ESCO2: variants seen among roughly 807,000 people sequenced by gnomAD.
The protein encoded by ESCO2 is N-acetyltransferase ESCO2.
A neutral mutation model predicts 61.7 loss-of-function variants in ESCO2; 51 were observed. The ratio of observed to expected loss-of-function variants is 0.83; its 90% CI spans 0.66 to 1.04. The LOEUF is 1.04. Ranked by LOEUF, ESCO2 falls within the 50% of genes least tolerant of loss-of-function variation. ESCO2 has a pLI of 0.00. For missense variants in ESCO2, 692 were observed against 686.2 expected (o/e 1.01, Z -0.09); for synonymous variants, 230 against 238.2 (o/e 0.97, Z 0.32).
At chr8:27,813,910 TTTTTC>T (rs1805756073), downstream of ESCO2, among the ~76,000 whole-genome samples, 1 of 150,354 alleles carries the variant, frequency 6.7e-6, no homozygotes, top group Non-Finnish European at 1.5e-5. Flanking sequence ...CTATGATTTT[TTTTTC>T]TTATCAGTTT....
Position 27,791,968 on chromosome 8 carries a change from G to A in ESCO2, c.1269G>A (p.Trp423Ter), listed in dbSNP as rs80359864. The A allele has an allele frequency of 1.2e-6, 2 of 1,613,988 alleles. No homozygotes were observed. The highest frequency in any genetic ancestry group is 8.5e-7 in the Non-Finnish European group (1 of 1,179,978). Residue 423 changes from tryptophan to a stop codon, truncating the protein, a stop_gained, in exon 8 of 11, where the codon TGG becomes TGA. Coordinates refer to ENST00000305188, the MANE Select transcript of ESCO2 (RefSeq NM_001017420.3). LOFTEE classifies it high-confidence loss of function. ...CTTTTGTTTTCCTTTGGCAGGGTTG[G>A]AAGAAAGAACGTGTAGTAGCAGAGT... Reference protein sequence around the residue: ...RFLEGIKYVGWKKERVVAEFW... With the variant: ...RFLEGIKYVG
In ESCO2 at chr8:27,792,650, G is replaced by A. The variant is rs80359865; in HGVS notation, c.1354-18G>A. On this transcript the variant is annotated intron_variant, in intron 8 of 10. Transcript: ENST00000305188. ...ACTTTTTAAAACATTCACCTGTCTT[G>A]GTTTTTAAAATCATTAGGTAGAAGA... 7.5e-6 allele frequency: 12 copies of A among 1,610,102 alleles called. No individual in the cohort carries two copies. Among genetic ancestry groups the A allele is most frequent in the Non-Finnish European group, 8.5e-7 (1 of 1,178,640 alleles).
Position 27,776,970 on chromosome 8 carries a change from A to T in ESCO2, c.662A>T (p.Lys221Ile), listed in dbSNP as rs199665460. 3.2e-5 allele frequency: 52 copies of T among 1,613,186 alleles called. No individual in the cohort carries two copies. In the East Asian group the frequency reaches 9.8e-4, roughly 30 times the overall value. Residue 221 changes from lysine (K) to isoleucine (I), a missense_variant, in exon 3 of 11, where the codon AAA (lysine) becomes ATA (isoleucine). By Grantham distance (102) the Lys-to-Ile change is moderately radical. Transcript: ENST00000305188. ...GTTAGAAAAAAATCTTCTCTTAGAA[A>T]ATCGTCCCTGGAAAATGAGCCGTCA... is the stretch of plus-strand genomic sequence containing the variant. Reference protein sequence around the residue: ...FFVRKKSSLRKSSLENEPSLG... With the variant: ...FFVRKKSSLRISSLENEPSLG...
chr8:27,781,443 T>C (rs1178826055), intron 4 of ESCO2, among the ~76,000 whole-genome samples: 1 of 152,228 alleles, frequency 6.6e-6, no homozygotes, highest in Non-Finnish European at 1.5e-5. Context: ...TAATTTTAGA[T>C]TTACAGAAAA....
chr8:27,816,432 A>AGT (rs930547408), downstream of ESCO2, among the ~76,000 whole-genome samples: 2 of 150,672 alleles, frequency 1.3e-5, no homozygotes, highest in African/African-American at 4.9e-5. Context: ...ACTGGAGTAC[A>AGT]GTGGCTTGAT....
chr8:27,779,537 G>C (rs891678564), intron 3 of ESCO2: 2 of 152,226 alleles, frequency 1.3e-5, no homozygotes, highest in Non-Finnish European at 2.9e-5. Context: ...TTTGGTGGCT[G>C]CTGGGGAAAC....
chr8:27,802,975 C>T (rs543302268), intron 10 of ESCO2, among the ~76,000 whole-genome samples: 1 of 151,872 alleles, frequency 6.6e-6, no homozygotes, highest in African/African-American at 2.4e-5. Context: ...CCTCGTGATC[C>T]GTCCGCCTTG....
At position 27,777,180 on chromosome 8, in the gene ESCO2, A is replaced by G; in HGVS notation, c.861+11A>G. The G allele has an allele frequency of 6.3e-7, 1 of 1,595,784 alleles. No homozygotes were observed. Among genetic ancestry groups the G allele is most frequent in the African/African-American group, 1.4e-5 (1 of 73,782 alleles). On this transcript the variant is annotated intron_variant, in intron 3 of 10. Transcript: ENST00000305188. Reference sequence around the variant, plus strand: ...GAGAAATTAATAAAGGTAAAGCTAAATATATCACTTTAAAAATGGCTGTAT... The same window carrying G: ...GAGAAATTAATAAAGGTAAAGCTAAGTATATCACTTTAAAAATGGCTGTAT...
intron 5 of ESCO2, among the ~76,000 whole-genome samples, chr8:27,786,046 CAG>C (rs1341682139): frequency 1.3e-5 from 2 of 152,122 alleles, no homozygotes; most frequent in Non-Finnish European, 2.9e-5. Context: ...GTCACGCATG[CAG>C]AGTCAGGGAG....
At chr8:27,807,996 G>A (rs1805596156), downstream of ESCO2, among the ~76,000 whole-genome samples, 1 of 152,210 alleles carries the variant, frequency 6.6e-6, no homozygotes, top group Non-Finnish European at 1.5e-5. Flanking sequence ...GGACTTCCTA[G>A]TCTCTGGAAC....
downstream of ESCO2, among the ~76,000 whole-genome samples, chr8:27,813,805 G>T (rs1195831495): frequency 6.6e-6 from 1 of 152,176 alleles, no homozygotes; most frequent in African/African-American, 2.4e-5. Flanking sequence ...ATAAGTCCTA[G>T]TTGGTCAAGA....
At position 27,803,614 on chromosome 8, in the gene ESCO2, G is replaced by A; in HGVS notation, c.*176G>A. 4 of 1,367,344 alleles carry A rather than the reference G, an allele frequency of 2.9e-6. No homozygotes were observed. The highest frequency in any genetic ancestry group is 3.7e-6 in the Non-Finnish European group (4 of 1,067,286). 84.7% of individuals were successfully genotyped at this position (1,367,344 alleles called of 1,614,324 possible). On this transcript the variant is annotated 3_prime_UTR_variant, in exon 11 of 11. Transcript: ENST00000305188. ...TTGTTCCTTATGAGTTGAAAAGTCAGGAATAAATTTGTTGAAAATTATCTG... is the reference window on the plus strand; with the variant it reads ...TTGTTCCTTATGAGTTGAAAAGTCAAGAATAAATTTGTTGAAAATTATCTG...
At chr8:27,793,240 G>T (rs772798723) in intron 9 of ESCO2, among the ~76,000 whole-genome samples, 5 of 152,138 alleles carry the variant, frequency 3.3e-5, no homozygotes, top group Non-Finnish European at 5.9e-5. Flanking sequence ...GGAGAGAAAA[G>T]CAGCTTTTTT....
downstream of ESCO2, among the ~76,000 whole-genome samples, chr8:27,805,939 G>C (rs1363420603): frequency 6.6e-6 from 1 of 152,056 alleles, no homozygotes; most frequent in Non-Finnish European, 1.5e-5. Flanking sequence ...GCCAGATCTT[G>C]CTTACTAATA....
downstream of ESCO2, chr8:27,811,152 G>T: frequency 6.2e-7 from 1 of 1,612,666 alleles, no homozygotes; most frequent in Non-Finnish European, 8.5e-7. Flanking sequence ...AAGCAAGATG[G>T]TTATGAAGGC....
At chr8:27,781,978 G>C (rs918974262) in intron 4 of ESCO2, among the ~76,000 whole-genome samples, 1 of 152,048 alleles carries the variant, frequency 6.6e-6, no homozygotes, top group Non-Finnish European at 1.5e-5. Context: ...CCATTCCAAG[G>C]TACTATATTA....
chr8:27,808,510 C>T (rs1585416829), downstream of ESCO2, among the ~76,000 whole-genome samples: 1 of 143,670 alleles, frequency 7.0e-6, no homozygotes. Flanking sequence ...CCTGTCTCTA[C>T]AAAAAATAAA....
At chr8:27,813,905 AT>A (rs202164867), downstream of ESCO2, among the ~76,000 whole-genome samples, 19 of 150,702 alleles carry the variant, frequency 1.3e-4, no homozygotes, top group Admixed American at 2.0e-4. Context: ...TTGGACTATG[AT>A]TTTTTTTTCT....
intron 10 of ESCO2, 89 bp from the exon 11 acceptor site, chr8:27,803,217 T>C: frequency 2.5e-6 from 3 of 1,181,232 alleles, no homozygotes; most frequent in Non-Finnish European, 3.8e-6. Flanking sequence ...AAGGTTGATT[T>C]AAGTCAAGAG....
Sources: gnomAD v4.1 joint callset for allele counts (sites outside exome capture counted in the v4.1 genomes callset) on GRCh38, gnomAD v4.1.1 for gene constraint, MANE v1.5 for transcripts, NCBI Gene and HGNC (gene_info 2026-07-23, HGNC 2026-07-21) for gene names.